Variants in ZFR2 observed in about 807,000 individuals in gnomAD.
The protein encoded by ZFR2 is zinc finger RNA-binding protein 2.
In ZFR2, 104 loss-of-function variants were observed where a neutral mutation model predicts 105.7. That is an observed-to-expected ratio of 0.98 (90% CI 0.84 to 1.16). The LOEUF is 1.16. Among genes scored for constraint, ZFR2 ranks in the 50% most tolerant of loss-of-function variants. The probability of loss-of-function intolerance (pLI) is 0.00; values close to 1 mark genes in which losing one functional copy is unlikely to be tolerated. For missense variants in ZFR2, 1,425 were observed against 1,355.5 expected, an observed-to-expected ratio of 1.05 and a Z score of -0.80; for synonymous variants, 634 against 597.7, an observed-to-expected ratio of 1.06 and a Z score of -0.89.
intron 1 of ZFR2, among the ~76,000 whole-genome samples, chr19:3,850,842 C>A (rs1207337346): frequency 7.0e-6 from 1 of 143,872 alleles, no homozygotes; most frequent in East Asian, 2.1e-4. Context: ...GAGATTGAGG[C>A]TGCAGTGAGC....
intron 1 of ZFR2, among the ~76,000 whole-genome samples, chr19:3,862,826 C>T (rs949449585): frequency 1.2e-4 from 19 of 152,192 alleles, no homozygotes; most frequent in Non-Finnish European, 1.0e-4. Flanking sequence ...CTGAGAAGGG[C>T]GTGAAAAAGA....
At chr19:3,840,034 C>T (rs567255989) in intron 1 of ZFR2, among the ~76,000 whole-genome samples, 14 of 152,160 alleles carry the variant, frequency 9.2e-5, no homozygotes, top group African/African-American at 2.6e-4. Flanking sequence ...TATGTCACCC[C>T]GCAACTCGCT....
chr19:3,844,014 G>GGT (rs1555757826), intron 1 of ZFR2, among the ~76,000 whole-genome samples: 1 of 56,066 alleles, frequency 1.8e-5, no homozygotes, highest in Admixed American at 2.1e-4. Context: ...AGTAGGATGT[G>GGT]GGGGGGGGGG....
intron 1 of ZFR2, among the ~76,000 whole-genome samples, chr19:3,841,084 A>G (rs1242329670): frequency 6.6e-6 from 1 of 151,996 alleles, no homozygotes; most frequent in Non-Finnish European, 1.5e-5. Context: ...CCCAGGCCCC[A>G]TCTCTGGCTC....
At chr19:3,829,088 A>T (rs2037982915) in intron 5 of ZFR2, among the ~76,000 whole-genome samples, 1 of 151,730 alleles carries the variant, frequency 6.6e-6, no homozygotes, top group East Asian at 1.9e-4. Context: ...CAGCCTCCCA[A>T]GTAGCTGGGA....
rs2038338645 is a variant in ZFR2 at position 3,858,958 on chromosome 19, C to CT, written c.53+10006dup. Among the ~76,000 whole-genome samples, 2 of 152,160 alleles carry CT rather than the reference C, an allele frequency of 1.3e-5. No homozygotes were observed. The highest frequency in any genetic ancestry group is 4.8e-5 in the African/African-American group (2 of 41,436). ...CTGGAAATGGAAATGTCACAGGGCC[C>CT]TGTGATGGTTAATACTGAGTGTCAA... On this transcript the variant is annotated intron_variant, in intron 1 of 18. Coordinates refer to ENST00000262961, the MANE Select transcript of ZFR2 (RefSeq NM_015174.2). The surrounding 1 kb of genome is among the most constrained non-coding windows in gnomAD (Gnocchi z 4.3).
At chr19:3,848,178 G>A (rs763142976) in intron 1 of ZFR2, among the ~76,000 whole-genome samples, 134 of 152,204 alleles carry the variant, frequency 8.8e-4, no homozygotes, top group Non-Finnish European at 1.6e-3. Context: ...TTGGGAGGCC[G>A]AGGCAGGTGG....
intron 6 of ZFR2, 124 bp downstream of exon 6, chr19:3,827,347 C>T (rs1160858766): frequency 1.7e-5 from 21 of 1,230,202 alleles, no homozygotes; most frequent in Non-Finnish European, 1.9e-5. Context: ...CCTTGGGGCG[C>T]GCTCCACTTG....
intron 5 of ZFR2, among the ~76,000 whole-genome samples, chr19:3,828,611 T>C (rs1043527161): frequency 6.6e-6 from 1 of 152,062 alleles, no homozygotes; most frequent in East Asian, 1.9e-4. Flanking sequence ...GGCCTACGCA[T>C]CCGGTACTAC....
intron 1 of ZFR2, among the ~76,000 whole-genome samples, chr19:3,864,082 T>C (rs1251229906): frequency 6.6e-6 from 1 of 152,122 alleles, no homozygotes; most frequent in African/African-American, 2.4e-5. Flanking sequence ...CAGCTTATAA[T>C]GTATGCTAAT....
Position 3,863,144 on chromosome 19 carries a change from G to A in ZFR2, c.53+5821C>T, listed in dbSNP as rs191532412. On this transcript the variant is annotated intron_variant, in intron 1 of 18. Transcript: ENST00000262961. ...ACTGGAAGGACCTGGAGGCCTGCCG[G>A]AGGGCGAGCGTGGCGTCTGGGCTGG... 6.6e-4 allele frequency among the ~76,000 whole-genome samples: 100 copies of A among 152,362 alleles called. 1 individual carries two copies. In the East Asian group the frequency reaches 0.015, roughly 24 times the overall value.
At chr19:3,811,456 GA>G in intron 14 of ZFR2, 90 bp from the exon 15 acceptor site, 2 of 1,205,870 alleles carry the variant, frequency 1.7e-6, no homozygotes, top group Non-Finnish European at 1.1e-6. Context: ...TGGGCCCCTC[GA>G]CGCTTTTTTT....
chr19:3,823,519 C>T lies in ZFR2; in HGVS notation c.1214-116G>A. 9.3e-7 allele frequency: 1 copy of T among 1,071,386 alleles called. No individual in the cohort carries two copies. The highest frequency in any genetic ancestry group is 1.3e-6 in the Non-Finnish European group (1 of 760,756). 66.4% of individuals were successfully genotyped at this position (1,071,386 alleles called of 1,614,324 possible). A position where few individuals can be genotyped will look rare whatever the true frequency, so the allele number is the denominator to read the frequency against. On this transcript the variant is annotated intron_variant, in intron 7 of 18. Coordinates refer to ENST00000262961, the MANE Select transcript of ZFR2 (RefSeq NM_015174.2). This position sits in a 1 kb window ranked among gnomAD's most constrained non-coding sequence, Gnocchi z 5.4. Reference sequence around the variant, plus strand: ...CCAGACTGCAGGCTGTGCCATCCCCCTCCCTCCTGTGATGTCAGGGGGAAT... The same window carrying T: ...CCAGACTGCAGGCTGTGCCATCCCCTTCCCTCCTGTGATGTCAGGGGGAAT...
chr19:3,825,385 A>G lies in ZFR2; in HGVS notation c.1058T>C (p.Leu353Pro), dbSNP rs1158596884. 6.3e-7 allele frequency: 1 copy of G among 1,585,004 alleles called. No individual in the cohort carries two copies. The highest frequency in any genetic ancestry group is 1.2e-5 in the South Asian group (1 of 86,894). ...CTCGAGGGTGGGAATGGGCTTCCCC[A>G]GTTTGGCGTGCAGCTTGAAGACCTG... Reference protein sequence around the residue: ...HQKVFKLHAKLGKPIPTLEPA... With the variant: ...HQKVFKLHAKPGKPIPTLEPA... Residue 353 changes from leucine (L) to proline (P), a missense_variant, in exon 7 of 19, where the codon CTG becomes CCG. By Grantham distance (98) the Leu-to-Pro change is moderately conservative (BLOSUM62 -3). Transcript: ENST00000262961.
chr19:3,829,481 T>TGTG, intron 5 of ZFR2, among the ~76,000 whole-genome samples: 1 of 151,622 alleles, frequency 6.6e-6, no homozygotes, highest in African/African-American at 2.4e-5. Context: ...TGTGTGTGTG[T>TGTG]TTTGTTGTTG....
intron 15 of ZFR2, 91 bp downstream of exon 15, chr19:3,811,181 C>A: frequency 7.7e-7 from 1 of 1,296,900 alleles, no homozygotes; most frequent in South Asian, 1.5e-5. Context: ...GCCCACGGGG[C>A]TGAGGCGGCC....
At chr19:3,808,752 T>C in intron 17 of ZFR2, 120 bp downstream of exon 17, 1 of 853,604 alleles carries the variant, frequency 1.2e-6, no homozygotes, top group South Asian at 1.9e-5. Context: ...TGGGCCGCAC[T>C]CCTGCCTGGG....
intron 9 of ZFR2, 103 bp from the exon 10 acceptor site, chr19:3,821,582 G>A: frequency 9.3e-7 from 1 of 1,069,818 alleles, no homozygotes; most frequent in Non-Finnish European, 1.3e-6. Context: ...TAGAACTGTT[G>A]GGCTGAAAAA....
At chr19:3,818,989 A>T in intron 12 of ZFR2, 56 bp downstream of exon 12, 1 of 1,572,882 alleles carries the variant, frequency 6.4e-7, no homozygotes, top group Non-Finnish European at 8.6e-7. Context: ...CGTCCCGAGG[A>T]GCTGACCTCT....
Sources: allele counts gnomAD v4.1 joint callset (sites outside exome capture counted in the v4.1 genomes callset), GRCh38; gene constraint gnomAD v4.1.1; non-coding constraint Gnocchi (gnomAD v3.1); transcripts MANE v1.5; gene names NCBI Gene and HGNC (gene_info 2026-07-23, HGNC 2026-07-21).